AVEN: variants seen among roughly 807,000 people sequenced by gnomAD.
AVEN encodes cell death regulator Aven.
A neutral mutation model predicts 38.1 loss-of-function variants in AVEN; 41 were observed. That is an observed-to-expected ratio of 1.08 (90% CI 0.84 to 1.40). The LOEUF is 1.40. Among genes scored for constraint, AVEN ranks in the 40% most tolerant of loss-of-function variants. AVEN has a pLI of 0.00. For synonymous variants in AVEN, 206 were observed against 171.8 expected (o/e 1.20, Z -1.56); for missense variants, 605 against 438.8 (o/e 1.38, Z -3.38).
chr15:33,954,825 A>C (rs1456370848), intron 2 of AVEN, among the ~76,000 whole-genome samples: 2 of 152,172 alleles, frequency 1.3e-5, no homozygotes, highest in Non-Finnish European at 2.9e-5. Context: ...ATCTGCATCT[A>C]GTCCCACAAA....
intron 2 of AVEN, among the ~76,000 whole-genome samples, chr15:33,965,733 T>C (rs1188191355): frequency 6.6e-6 from 1 of 152,042 alleles, no homozygotes; most frequent in Non-Finnish European, 1.5e-5. Flanking sequence ...TTATTATATG[T>C]ATCAAAGAAA....
At chr15:34,000,339 T>C (rs1897090394) in intron 2 of AVEN, among the ~76,000 whole-genome samples, 1 of 152,204 alleles carries the variant, frequency 6.6e-6, no homozygotes, top group Non-Finnish European at 1.5e-5. Flanking sequence ...TCTAAGCCAA[T>C]AGCTGGAACA....
At chr15:33,853,069 C>T in the AVEN span, 1 of 1,603,592 alleles carries the variant, frequency 6.2e-7, no homozygotes, top group Non-Finnish European at 8.5e-7. Context: ...ACTACTGGGA[C>T]AAGTTTGTAA....
intron 2 of AVEN, among the ~76,000 whole-genome samples, chr15:33,997,664 TA>T (rs1280990335): frequency 6.6e-6 from 1 of 152,230 alleles, no homozygotes; most frequent in African/African-American, 2.4e-5. Flanking sequence ...GTGATCCCAA[TA>T]TCTTTTTACT....
downstream of AVEN, chr15:33,856,243 AG>A (rs1456835362): frequency 6.6e-6 from 1 of 152,084 alleles, no homozygotes; most frequent in Non-Finnish European, 1.5e-5. Flanking sequence ...CTGCTCTCCA[AG>A]GTTTGAGTCA....
At chr15:33,986,548 C>T (rs1303518856) in intron 2 of AVEN, among the ~76,000 whole-genome samples, 1 of 152,116 alleles carries the variant, frequency 6.6e-6, no homozygotes, top group Non-Finnish European at 1.5e-5. Flanking sequence ...CTTTCTGAAA[C>T]TTAATGATTT....
At chr15:33,874,320 G>C (rs1469164529) in intron 3 of AVEN, among the ~76,000 whole-genome samples, 2 of 152,124 alleles carry the variant, frequency 1.3e-5, no homozygotes, top group African/African-American at 4.8e-5. Flanking sequence ...ACTCAGGTCT[G>C]AAACTGCTGG....
At chr15:33,857,660 C>T, downstream of AVEN, 1 of 1,260,920 alleles carries the variant, frequency 7.9e-7, no homozygotes, top group Non-Finnish European at 1.1e-6. Context: ...TCCACCCCTT[C>T]CCCATTTCCT....
intron 2 of AVEN, among the ~76,000 whole-genome samples, chr15:33,920,551 T>A (rs1893354192): frequency 6.6e-6 from 1 of 152,180 alleles, no homozygotes; most frequent in Non-Finnish European, 1.5e-5. Context: ...CCAGTACACT[T>A]TTATCTTTCA....
intron 3 of AVEN, among the ~76,000 whole-genome samples, chr15:33,874,774 T>G (rs1891150016): frequency 6.6e-6 from 1 of 152,188 alleles, no homozygotes; most frequent in Non-Finnish European, 1.5e-5. Context: ...GCTCTATGTT[T>G]TGATGAATGA....
In AVEN at chr15:34,039,023, C is replaced by G. The variant is rs1161658668; in HGVS notation, c.24G>C (p.Arg8=). 5 of 1,122,960 alleles carry G rather than the reference C, an allele frequency of 4.5e-6. No homozygotes were observed. The South Asian group carries it at 1.9e-4, about 42-fold the overall frequency. The allele number at this position is 1,122,960 out of a possible 1,614,324, so 69.6% of individuals were successfully genotyped here. A position where few individuals can be genotyped will look rare whatever the true frequency, so the allele number is the denominator to read the frequency against. The change falls in exon 1 of 6, where the codon CGG becomes CGC. Residue 8 remains arginine (R), a synonymous_variant. Transcript: ENST00000306730. ...GGCCTGGCCGCCGCCCACGGCCTCC[C>G]CGAGCTCCTCGCTCCGCCTGCATCT... MQAERGA[R]GGRGRRPGRG...
At chr15:33,969,134 A>G (rs550598834) in intron 2 of AVEN, 4 of 152,250 alleles carry the variant, frequency 2.6e-5, no homozygotes, top group African/African-American at 9.6e-5. Flanking sequence ...ACTGAGCTTC[A>G]AACAAACCAC....
At chr15:34,050,904 A>G (rs553961611) in intron 5 of AVEN, among the ~76,000 whole-genome samples, 1 of 152,326 alleles carries the variant, frequency 6.6e-6, no homozygotes, top group Non-Finnish European at 1.5e-5. Flanking sequence ...TAATAGTGGG[A>G]GACTTTAACA....
chr15:34,058,540 C>G (rs1900233230), intron 5 of AVEN, among the ~76,000 whole-genome samples: 1 of 139,416 alleles, frequency 7.2e-6, no homozygotes, highest in African/African-American at 2.7e-5. Context: ...AGGAAGTTCT[C>G]TCTGCTTTAA....
In AVEN at chr15:34,038,774, T is replaced by G; in HGVS notation, c.267+6A>C. 1 of 1,172,568 alleles carries G rather than the reference T, an allele frequency of 8.5e-7. No individual in the cohort carries two copies. Among genetic ancestry groups the G allele is most frequent in the Non-Finnish European group, 1.1e-6 (1 of 952,034 alleles). The allele number at this position is 1,172,568 out of a possible 1,614,324, so 72.6% of individuals were successfully genotyped here. A position where few individuals can be genotyped will look rare whatever the true frequency, so the allele number is the denominator to read the frequency against. On this transcript the variant is annotated splice_donor_region_variant and intron_variant, in intron 1 of 5. Transcript: ENST00000306730. ...GGTCCCAGCCCCACCAGCCGTCGCC[T>G]CTTACCGGCGCGCTGGCCCCTGCGC... is the stretch of plus-strand genomic sequence containing the variant.
chr15:33,972,567 T>C (rs1230043764), intron 2 of AVEN: 1 of 152,164 alleles, frequency 6.6e-6, no homozygotes, highest in Admixed American at 6.6e-5. Context: ...AGGACTGTCT[T>C]GAATTAGCAA....
At chr15:33,885,580 T>C in intron 2 of AVEN, 1 of 152,122 alleles carries the variant, frequency 6.6e-6, no homozygotes, top group Admixed American at 6.5e-5. Context: ...AATAAAAATC[T>C]CTCCTCCTGC....
intron 2 of AVEN, among the ~76,000 whole-genome samples, chr15:33,980,656 A>G (rs973124327): frequency 2.6e-5 from 4 of 152,192 alleles, no homozygotes; most frequent in Admixed American, 6.5e-5. Context: ...CACACAGAAA[A>G]GAGAGGCAAG....
intron 5 of AVEN, among the ~76,000 whole-genome samples, chr15:34,052,461 A>G (rs927524012): frequency 6.6e-6 from 1 of 152,184 alleles, no homozygotes. Context: ...CTGTCTTACC[A>G]CTCCTATTCA....
Sources: allele counts gnomAD v4.1 joint callset (sites outside exome capture counted in the v4.1 genomes callset), GRCh38; gene constraint gnomAD v4.1.1; transcripts MANE v1.5; gene names NCBI Gene and HGNC (gene_info 2026-07-23, HGNC 2026-07-21).